LRRC4C: variants seen among roughly 807,000 people sequenced by gnomAD.
LRRC4C encodes the protein leucine rich repeat containing 4C.
Under a neutral mutation model 33.6 loss-of-function variants are expected in LRRC4C, and 5 were observed. That is an observed-to-expected ratio of 0.15 (90% CI 0.08 to 0.31). The LOEUF is 0.31. Among genes scored for constraint, LRRC4C ranks in the 10% least tolerant of loss-of-function variants. The probability of loss-of-function intolerance (pLI) is 1.00; values close to 1 mark genes in which losing one functional copy is unlikely to be tolerated. For missense variants in LRRC4C, 560 were observed against 796.7 expected (o/e 0.70, Z 3.58); for synonymous variants, 329 against 302.0 (o/e 1.09, Z -0.93).
intron 2 of LRRC4C, among the ~76,000 whole-genome samples, chr11:40,790,361 C>T (rs1950577053): frequency 6.6e-6 from 1 of 152,200 alleles, no homozygotes; most frequent in Non-Finnish European, 1.5e-5. Context: ...ATGATAACTA[C>T]ATAATCTCAT....
At chr11:40,627,929 T>C (rs955123317) in intron 3 of LRRC4C, among the ~76,000 whole-genome samples, 5 of 152,176 alleles carry the variant, frequency 3.3e-5, no homozygotes, top group African/African-American at 1.2e-4. Context: ...TGTTGGTTTT[T>C]TGGAGCAATT....
At position 40,655,705 on chromosome 11, in the gene LRRC4C, G is replaced by A. The variant is rs1047295999; in HGVS notation, c.-406-7427C>T. Reference sequence around the variant, plus strand: ...AAGAATCATTTCTTATTATTCCCACGTGAAGAGTGTGGCTGAAAATTTGGC... The same window carrying A: ...AAGAATCATTTCTTATTATTCCCACATGAAGAGTGTGGCTGAAAATTTGGC... On this transcript the variant is annotated intron_variant, in intron 2 of 6. Transcript: ENST00000528697. 1.7e-4 allele frequency among the ~76,000 whole-genome samples: 26 copies of A among 152,258 alleles called. 1 individual carries two copies. The South Asian group carries it at 3.9e-3, about 23-fold the overall frequency.
chr11:40,486,979 A>G (rs889141719), intron 3 of LRRC4C, among the ~76,000 whole-genome samples: 1 of 152,048 alleles, frequency 6.6e-6, no homozygotes, highest in Non-Finnish European at 1.5e-5. Context: ...AATTAGGTCC[A>G]CGGAAAACCT....
At chr11:41,336,254 A>T (rs1411953207) in intron 1 of LRRC4C, among the ~76,000 whole-genome samples, 18 of 151,958 alleles carry the variant, frequency 1.2e-4, no homozygotes, top group South Asian at 4.1e-4. Context: ...TTTTTTTTAA[A>T]AAAAAAAGTA....
chr11:41,104,402 TATA>T (rs1758284691), intron 1 of LRRC4C, among the ~76,000 whole-genome samples: 1 of 151,960 alleles, frequency 6.6e-6, no homozygotes, highest in South Asian at 2.1e-4. Context: ...TAATTAAAAT[TATA>T]ATAAGGTTCA....
intron 1 of LRRC4C, among the ~76,000 whole-genome samples, chr11:41,087,350 A>G (rs1434046542): frequency 6.6e-6 from 1 of 152,154 alleles, no homozygotes; most frequent in East Asian, 1.9e-4. Context: ...TAAATCAATT[A>G]TCCCTACCCA....
chr11:40,549,546 T>A (rs1489026580), intron 3 of LRRC4C, among the ~76,000 whole-genome samples: 1 of 152,144 alleles, frequency 6.6e-6, no homozygotes, highest in African/African-American at 2.4e-5. Flanking sequence ...GTACAAAAAA[T>A]AACTTAGCAT....
At position 41,379,708 on chromosome 11, in the gene LRRC4C, G is replaced by C. The variant is rs531562126; in HGVS notation, c.-496+79723C>G. Among the ~76,000 whole-genome samples the C allele has an allele frequency of 2.6e-4, 40 of 152,044 alleles. No individual in the cohort carries two copies. In the South Asian group the frequency reaches 2.7e-3, roughly 10 times the overall value. On this transcript the variant is annotated intron_variant, in intron 1 of 6. Transcript: ENST00000528697. ...TTTGGATTTGTTTCTTGATGTTCCT[G>C]CCTCAGTGTGCCTCAGTACTTAACA... is the stretch of plus-strand genomic sequence containing the variant.
rs543212747 is a variant in LRRC4C, at chr11:40,393,502, A to G, written c.-269-73781T>C. 2.3e-4 allele frequency among the ~76,000 whole-genome samples: 35 copies of G among 152,278 alleles called. 1 individual carries two copies. The South Asian group carries it at 5.8e-3, about 25-fold the overall frequency. ...AGTTCTCTTTTGAATGAACAACTTA[A>G]TAGACAGGGTCTAAGTCAGGAAGAA... On this transcript the variant is annotated intron_variant, in intron 3 of 6. Transcript: ENST00000528697.
chr11:40,319,003 G>C (rs1051583987), intron 4 of LRRC4C, among the ~76,000 whole-genome samples: 1 of 152,210 alleles, frequency 6.6e-6, no homozygotes, highest in East Asian at 1.9e-4. Context: ...AATTATCTTC[G>C]TGTGCTGTTA....
chr11:40,691,166 C>T (rs562997467), intron 2 of LRRC4C, among the ~76,000 whole-genome samples: 3 of 152,050 alleles, frequency 2.0e-5, no homozygotes, highest in South Asian at 4.2e-4. Context: ...CACATCAAAA[C>T]CAACCAAATT....
chr11:40,714,396 T>A (rs181351270), intron 2 of LRRC4C, among the ~76,000 whole-genome samples: 1 of 152,224 alleles, frequency 6.6e-6, no homozygotes, highest in Non-Finnish European at 1.5e-5. Context: ...TATTTCTTAA[T>A]TATCTCACAG....
intron 1 of LRRC4C, among the ~76,000 whole-genome samples, chr11:41,132,319 A>T (rs1049691338): frequency 6.6e-6 from 1 of 152,190 alleles, no homozygotes; most frequent in African/African-American, 2.4e-5. Context: ...GGGTAGTTTG[A>T]CCATAGATAT....
intron 1 of LRRC4C, among the ~76,000 whole-genome samples, chr11:40,989,083 CTT>C (rs2137216365): frequency 6.6e-6 from 1 of 152,198 alleles, no homozygotes; most frequent in Non-Finnish European, 1.5e-5. Flanking sequence ...ACATATCACT[CTT>C]TTCTCTGCCA....
chr11:40,274,207 C>T (rs1003447264), intron 4 of LRRC4C, among the ~76,000 whole-genome samples: 1 of 151,814 alleles, frequency 6.6e-6, no homozygotes, highest in South Asian at 2.1e-4. Flanking sequence ...TGAGAAATAG[C>T]AAGATAGAAA....
At chr11:41,182,970 G>C (rs1945520469) in intron 1 of LRRC4C, among the ~76,000 whole-genome samples, 1 of 152,096 alleles carries the variant, frequency 6.6e-6, no homozygotes, top group Admixed American at 6.6e-5. Context: ...GGAAGAGAGA[G>C]AGAGATTGTG....
At chr11:40,853,488 A>G (rs916423927) in intron 2 of LRRC4C, among the ~76,000 whole-genome samples, 1 of 150,528 alleles carries the variant, frequency 6.6e-6, no homozygotes, top group Non-Finnish European at 1.5e-5. Flanking sequence ...AAAATAGCCT[A>G]ACCAGGTCAT....
At chr11:40,435,415 A>G (rs564172036) in intron 3 of LRRC4C, among the ~76,000 whole-genome samples, 35 of 152,358 alleles carry the variant, frequency 2.3e-4, no homozygotes, top group Non-Finnish European at 3.8e-4. Flanking sequence ...GGTTCTTAAG[A>G]GAGCTCTGAA....
intron 1 of LRRC4C, among the ~76,000 whole-genome samples, chr11:41,155,021 T>G (rs982807087): frequency 6.6e-6 from 1 of 152,098 alleles, no homozygotes; most frequent in African/African-American, 2.4e-5. Flanking sequence ...GCAACAATTA[T>G]TTAACTGGTT....
Sources: allele counts gnomAD v4.1 joint callset (sites outside exome capture counted in the v4.1 genomes callset), GRCh38; gene constraint gnomAD v4.1.1; transcripts MANE v1.5; gene names NCBI Gene and HGNC (gene_info 2026-07-23, HGNC 2026-07-21).